The following FBXO16 variants were observed in gnomAD, a reference collection of about 807,000 sequenced individuals.
FBXO16 encodes the protein F-box only protein 16.
In FBXO16, 31 loss-of-function variants were observed where a neutral mutation model predicts 41.0. The observed-to-expected ratio is 0.76, with a 90% confidence interval of 0.57 to 1.02. FBXO16 has a LOEUF of 1.02. FBXO16 is among the 50% of genes least tolerant of loss of function. The pLI is 0.00. For synonymous variants in FBXO16, 133 were observed against 117.8 expected (o/e 1.13, Z -0.84); for missense variants, 361 against 346.2 (o/e 1.04, Z -0.34).
rs189425520 is a variant in FBXO16 at position 28,447,841 on chromosome 8, C to A, written c.741-568G>T. On this transcript the variant is annotated intron_variant, in intron 6 of 8. Coordinates refer to ENST00000380254, the MANE Select transcript of FBXO16 (RefSeq NM_172366.4). ...TGGTGGCACACACCTGTAGTCCCAG[C>A]TACTTGGGAGGCTGAGGCAGGAGAA... is the stretch of plus-strand genomic sequence containing the variant. Among the ~76,000 whole-genome samples, 33 of 152,240 alleles carry A rather than the reference C, an allele frequency of 2.2e-4. No homozygotes were observed. In the East Asian group the frequency reaches 6.4e-3, roughly 29 times the overall value.
At chr8:28,433,956 ATTTTTTTT>A (rs773888558) in intron 7 of FBXO16, among the ~76,000 whole-genome samples, 2 of 118,332 alleles carry the variant, frequency 1.7e-5, no homozygotes, top group African/African-American at 3.6e-5. Flanking sequence ...TCACTCCCTG[ATTTTTTTT>A]TTTTTTTTTT....
At chr8:28,435,568 TTCTC>T (rs1469867877) in intron 7 of FBXO16, among the ~76,000 whole-genome samples, 2 of 152,086 alleles carry the variant, frequency 1.3e-5, no homozygotes, top group African/African-American at 4.8e-5. Context: ...GTTGGGTGGT[TTCTC>T]TCTCCCCACG....
intron 1 of FBXO16, among the ~76,000 whole-genome samples, chr8:28,484,394 G>A (rs1803567536): frequency 1.3e-5 from 2 of 152,110 alleles, no homozygotes; most frequent in African/African-American, 4.8e-5. Context: ...GCTATTTTTA[G>A]TTATCCAGTA....
intron 8 of FBXO16, 140 bp from the exon 9 acceptor site, chr8:28,428,876 C>T: frequency 1.0e-6 from 1 of 978,800 alleles, no homozygotes; most frequent in Admixed American, 3.4e-5. Flanking sequence ...TTCCCAACTT[C>T]ACTCCCCTCT....
chr8:28,477,789 G>A lies in FBXO16; in HGVS notation c.100-3982C>T, dbSNP rs77850828. Among the ~76,000 whole-genome samples, 933 of 152,264 alleles carry A rather than the reference G, an allele frequency of 6.1e-3. 5 individuals are homozygous for A. Among genetic ancestry groups the A allele is most frequent in the African/African-American group, 0.021 (889 of 41,536 alleles). ...GACACCTGTAATCCCAGAGCTTTGGGAGGCTGAGACAGAGGCTCACTTGCA... is the reference window on the plus strand; with the variant it reads ...GACACCTGTAATCCCAGAGCTTTGGAAGGCTGAGACAGAGGCTCACTTGCA... On this transcript the variant is annotated intron_variant, in intron 2 of 8. Coordinates refer to ENST00000380254, the MANE Select transcript of FBXO16 (RefSeq NM_172366.4).
chr8:28,441,112 G>A (rs1238440930), intron 7 of FBXO16, among the ~76,000 whole-genome samples: 1 of 152,142 alleles, frequency 6.6e-6, no homozygotes. Context: ...TTACATCCCA[G>A]TAACGGCAAA....
intron 5 of FBXO16, chr8:28,455,993 T>C (rs1169933718): frequency 6.6e-6 from 1 of 152,164 alleles, no homozygotes; most frequent in Admixed American, 6.5e-5. Context: ...TTAATACCCC[T>C]GTGGTTTTAA....
Position 28,433,128 on chromosome 8 carries a change from C to T in FBXO16, c.844-3725G>A, listed in dbSNP as rs146848431. On this transcript the variant is annotated intron_variant, in intron 7 of 8. Coordinates refer to ENST00000380254, the MANE Select transcript of FBXO16 (RefSeq NM_172366.4). ...ATAACAACAACAACAAAATAATTTTCCTATCCTCCATCTGTCCCTATGAAG... is the reference window on the plus strand; with the variant it reads ...ATAACAACAACAACAAAATAATTTTTCTATCCTCCATCTGTCCCTATGAAG... Among the ~76,000 whole-genome samples, 474 of 152,002 alleles carry T rather than the reference C, an allele frequency of 3.1e-3. 2 individuals are homozygous for T. Among genetic ancestry groups the T allele is most frequent in the African/African-American group, 0.011 (452 of 41,488 alleles).
intron 7 of FBXO16, among the ~76,000 whole-genome samples, chr8:28,435,171 A>ATT (rs71222552): frequency 0.1 from 14,156 of 140,906 alleles, 1,993 homozygotes; most frequent in African/African-American, 0.3. Context: ...ATGAGGGCAG[A>ATT]TTTTTTTTTT....
intron 5 of FBXO16, among the ~76,000 whole-genome samples, chr8:28,453,520 G>A (rs79639945): frequency 0.045 from 6,814 of 151,912 alleles, 262 homozygotes; most frequent in African/African-American, 0.073. Flanking sequence ...AATTCATAAC[G>A]TTTTTATGTG....
chr8:28,484,835 CA>C (rs1410194459), intron 1 of FBXO16, among the ~76,000 whole-genome samples: 1 of 151,972 alleles, frequency 6.6e-6, no homozygotes, highest in East Asian at 1.9e-4. Context: ...CCTCATGATC[CA>C]CCCCCCCTGG....
At chr8:28,472,380 T>C (rs1356757950) in intron 3 of FBXO16, among the ~76,000 whole-genome samples, 1 of 152,190 alleles carries the variant, frequency 6.6e-6, no homozygotes, top group African/African-American at 2.4e-5. Flanking sequence ...GTATTACAGT[T>C]GTGAGCCATT....
At chr8:28,445,340 G>A (rs548698674) in intron 7 of FBXO16, among the ~76,000 whole-genome samples, 1 of 152,088 alleles carries the variant, frequency 6.6e-6, no homozygotes, top group South Asian at 2.1e-4. Flanking sequence ...TCCTGCTAGG[G>A]TTTGACAGAT....
chr8:28,467,202 A>G (rs553679247), intron 3 of FBXO16, among the ~76,000 whole-genome samples: 1 of 152,206 alleles, frequency 6.6e-6, no homozygotes, highest in East Asian at 1.9e-4. Context: ...TTTTCATAAG[A>G]TATTATGGCT....
At chr8:28,430,634 A>T (rs1340334525) in intron 7 of FBXO16, among the ~76,000 whole-genome samples, 1 of 152,218 alleles carries the variant, frequency 6.6e-6, no homozygotes, top group East Asian at 1.9e-4. Flanking sequence ...AATAAACAGG[A>T]AGCTTCCTCT....
chr8:28,466,529 C>T (rs949914325), intron 3 of FBXO16, among the ~76,000 whole-genome samples: 1 of 151,976 alleles, frequency 6.6e-6, no homozygotes, highest in Middle Eastern at 3.4e-3. Flanking sequence ...CGGTGGCTCA[C>T]ACCTGTAATC....
chr8:28,430,370 G>C (rs1020894161), intron 7 of FBXO16, among the ~76,000 whole-genome samples: 1 of 152,146 alleles, frequency 6.6e-6, no homozygotes, highest in Non-Finnish European at 1.5e-5. Context: ...CACTGTGCCC[G>C]GCCAAAGCTG....
At chr8:28,432,133 G>A (rs1585887466) in intron 7 of FBXO16, among the ~76,000 whole-genome samples, 1 of 36,470 alleles carries the variant, frequency 2.7e-5, no homozygotes, top group East Asian at 9.8e-4. Context: ...TATGGAGTGT[G>A]TGTGTGTGTG....
intron 4 of FBXO16, among the ~76,000 whole-genome samples, chr8:28,459,037 T>C (rs1011570234): frequency 2.0e-5 from 3 of 152,170 alleles, no homozygotes; most frequent in African/African-American, 7.2e-5. Context: ...AAATTATGAC[T>C]TATAGTGCAT....
Sources: gnomAD v4.1 joint callset for allele counts (sites outside exome capture counted in the v4.1 genomes callset) on GRCh38, gnomAD v4.1.1 for gene constraint, MANE v1.5 for transcripts, NCBI Gene and HGNC (gene_info 2026-07-23, HGNC 2026-07-21) for gene names.